Variants in SNX10 observed in about 807,000 individuals in gnomAD.
SNX10 encodes sorting nexin-10.
Under a neutral mutation model 28.5 loss-of-function variants are expected in SNX10, and 25 were observed. The ratio of observed to expected loss-of-function variants is 0.88; its 90% CI spans 0.64 to 1.22. The LOEUF is 1.22. SNX10 is among the 50% of genes most tolerant of loss of function. The probability of loss-of-function intolerance (pLI) is 0.00; values close to 1 mark genes in which losing one functional copy is unlikely to be tolerated. For synonymous variants in SNX10, 62 were observed against 81.4 expected, an observed-to-expected ratio of 0.76 and a Z score of 1.28; for missense variants, 223 against 242.6, an observed-to-expected ratio of 0.92 and a Z score of 0.54.
intron 1 of SNX10, among the ~76,000 whole-genome samples, chr7:26,301,852 C>T (rs1786380167): frequency 6.6e-6 from 1 of 151,992 alleles, no homozygotes; most frequent in South Asian, 2.1e-4. Flanking sequence ...TTTAAGAGTC[C>T]CACCATTGAG....
chr7:26,343,398 C>T (rs553441334), intron 1 of SNX10, among the ~76,000 whole-genome samples: 2 of 152,146 alleles, frequency 1.3e-5, no homozygotes, highest in African/African-American at 2.4e-5. Context: ...TCTGACCTTC[C>T]GCTTTCTTGT....
intron 1 of SNX10, among the ~76,000 whole-genome samples, chr7:26,331,760 C>CTCCCAG (rs111683120): frequency 1.3e-5 from 2 of 151,666 alleles, no homozygotes; most frequent in Admixed American, 6.6e-5. Context: ...CCAAGTTCTT[C>CTCCCAG]TCCCAGTCCC....
At position 26,354,620 on chromosome 7, in the gene SNX10, AT is replaced by A. The variant is rs1788743763; in HGVS notation, c.25-6354del. ...GGTCTTGAACTCCTGAGCTCAAGTG[AT>A]CCTCCCACCTTGGCCTCCCAAAGTG... On this transcript the variant is annotated intron_variant, in intron 2 of 6. Transcript: ENST00000338523. Among the ~76,000 whole-genome samples, 3 of 152,192 alleles carry A rather than the reference AT, an allele frequency of 2.0e-5. No individual in the cohort carries two copies. In the South Asian group the frequency reaches 6.2e-4, roughly 31 times the overall value.
rs1036863997 is a variant in SNX10, at chr7:26,348,008, G to A, written c.24+1542G>A. Among the ~76,000 whole-genome samples the A allele has an allele frequency of 1.2e-4, 19 of 152,262 alleles. No individual in the cohort carries two copies. The Middle Eastern group carries it at 0.01, about 82-fold the overall frequency. On this transcript the variant is annotated intron_variant, in intron 2 of 6. Coordinates refer to ENST00000338523, the MANE Select transcript of SNX10 (RefSeq NM_013322.3). Reference sequence around the variant, plus strand: ...TTGCCTAGATTGGTCTCGAACTTCTGGCTTCAAGCAGTCCTCCTGCCTCAG... The same window carrying A: ...TTGCCTAGATTGGTCTCGAACTTCTAGCTTCAAGCAGTCCTCCTGCCTCAG...
At chr7:26,333,821 C>T (rs780688460) in intron 1 of SNX10, among the ~76,000 whole-genome samples, 3 of 152,052 alleles carry the variant, frequency 2.0e-5, no homozygotes, top group East Asian at 1.9e-4. Flanking sequence ...GGTAAGGCAT[C>T]GAGGAATACA....
intron 4 of SNX10, 24 bp from the exon 5 acceptor site, chr7:26,365,023 A>T: frequency 6.8e-7 from 1 of 1,463,582 alleles, no homozygotes; most frequent in South Asian, 1.1e-5. Flanking sequence ...TCATTTAAAA[A>T]CATTGTTTTT....
At position 26,371,854 on chromosome 7, in the gene SNX10, C is replaced by A; in HGVS notation, c.345C>A (p.Ser115Arg). The A allele has an allele frequency of 6.2e-7, 1 of 1,613,322 alleles. No individual in the cohort carries two copies. The highest frequency in any genetic ancestry group is 8.5e-7 in the Non-Finnish European group (1 of 1,179,498). The change falls in exon 6 of 7, where the codon AGC (serine) becomes AGA (arginine). Residue 115 changes from serine to arginine, a missense_variant. Coordinates refer to ENST00000338523, the MANE Select transcript of SNX10 (RefSeq NM_013322.3). ...AGAATGCACTTTTGCTTTCAGATAGCAGCCTTCACCTCTTCTTACAGAGCC... is the reference window on the plus strand; with the variant it reads ...AGAATGCACTTTTGCTTTCAGATAGAAGCCTTCACCTCTTCTTACAGAGCC... ...VLQNALLLSD[S>R]SLHLFLQSHL... is the part of the protein sequence containing the mutation.
intron 1 of SNX10, among the ~76,000 whole-genome samples, chr7:26,317,025 G>A (rs184440093): frequency 6.6e-6 from 1 of 152,264 alleles, no homozygotes; most frequent in African/African-American, 2.4e-5. Context: ...TACCAAGATC[G>A]AGGCCGGAGA....
intron 1 of SNX10, among the ~76,000 whole-genome samples, chr7:26,343,792 C>T (rs1423029233): frequency 6.6e-6 from 1 of 152,168 alleles, no homozygotes; most frequent in East Asian, 1.9e-4. Flanking sequence ...TTGAGCCGCT[C>T]CTCCTCCTGG....
intron 1 of SNX10, among the ~76,000 whole-genome samples, chr7:26,327,587 C>A (rs140549561): frequency 5.9e-5 from 9 of 152,262 alleles, no homozygotes; most frequent in Non-Finnish European, 1.2e-4. Flanking sequence ...TTGCCTGATG[C>A]TTGTACCTGC....
chr7:26,304,044 G>A (rs1208621852), intron 1 of SNX10, among the ~76,000 whole-genome samples: 2 of 152,112 alleles, frequency 1.3e-5, no homozygotes, highest in African/African-American at 4.8e-5. Context: ...TACATAGTTT[G>A]GGGTCCTCTG....
In SNX10 at chr7:26,364,657, G is replaced by T. The variant is rs764392434; in HGVS notation, c.212+22G>T. 1 of 1,528,386 alleles carries T rather than the reference G, an allele frequency of 6.5e-7. No individual in the cohort carries two copies. The highest frequency in any genetic ancestry group is 1.1e-5 in the South Asian group (1 of 87,768). The allele number at this position is 1,528,386 out of a possible 1,614,324, so 94.7% of individuals were successfully genotyped here. Reference sequence around the variant, plus strand: ...TGGTGTAAGTGATTTAGAGTATACTGTGGAGACTTTGTCATTATATTCAGT... The same window carrying T: ...TGGTGTAAGTGATTTAGAGTATACTTTGGAGACTTTGTCATTATATTCAGT... On this transcript the variant is annotated intron_variant, in intron 4 of 6. Coordinates refer to ENST00000338523, the MANE Select transcript of SNX10 (RefSeq NM_013322.3). The surrounding 1 kb of genome is among the most constrained non-coding windows in gnomAD (Gnocchi z 4.9).
chr7:26,321,422 T>C (rs1194584135), intron 1 of SNX10, among the ~76,000 whole-genome samples: 3 of 152,230 alleles, frequency 2.0e-5, no homozygotes, highest in African/African-American at 7.2e-5. Context: ...GTTTTCCTTC[T>C]GGATATTTTG....
chr7:26,346,315 G>T, intron 1 of SNX10, 105 bp from the exon 2 acceptor site: 1 of 760,476 alleles, frequency 1.3e-6, no homozygotes, highest in Non-Finnish European at 2.4e-6. Context: ...GGGACTGTGG[G>T]GCGGGGGGGG....
At chr7:26,342,423 C>G (rs1007599421) in intron 1 of SNX10, among the ~76,000 whole-genome samples, 1 of 152,156 alleles carries the variant, frequency 6.6e-6, no homozygotes, top group Non-Finnish European at 1.5e-5. Flanking sequence ...ATTGAATTTC[C>G]TTCTCCCCAC....
chr7:26,365,566 G>T (rs1480564499), intron 5 of SNX10, among the ~76,000 whole-genome samples: 24 of 152,088 alleles, frequency 1.6e-4, no homozygotes, highest in Admixed American at 1.6e-3. Context: ...ATATCCTTCT[G>T]GGTTCCTCTA....
intron 1 of SNX10, among the ~76,000 whole-genome samples, chr7:26,298,335 A>G (rs1786190390): frequency 6.6e-6 from 1 of 152,244 alleles, no homozygotes; most frequent in South Asian, 2.1e-4. Flanking sequence ...GGCAAAGGCT[A>G]TTCATAGGTA....
intron 2 of SNX10, among the ~76,000 whole-genome samples, chr7:26,350,642 G>T (rs1788560358): frequency 6.6e-6 from 1 of 151,216 alleles, no homozygotes; most frequent in Admixed American, 6.6e-5. Flanking sequence ...TAAATTTGTT[G>T]TTCCTCTCTC....
Position 26,338,763 on chromosome 7 carries a change from T to C in SNX10, c.-23-7657T>C, listed in dbSNP as rs149896342. ...GAGCTTAGGAAGTAGGGAGTGCTGA[T>C]TGGTCAGGTTGGAGATGGAATCGTA... On this transcript the variant is annotated intron_variant, in intron 1 of 6. Coordinates refer to ENST00000338523, the MANE Select transcript of SNX10 (RefSeq NM_013322.3). 3.1e-3 allele frequency among the ~76,000 whole-genome samples: 476 copies of C among 152,060 alleles called. 1 individual carries two copies. The highest frequency in any genetic ancestry group is 0.011 in the African/African-American group (468 of 41,478).
Sources: gnomAD v4.1 joint callset for allele counts (sites outside exome capture counted in the v4.1 genomes callset) on GRCh38, gnomAD v4.1.1 for gene constraint, Gnocchi (gnomAD v3.1) non-coding constraint, MANE v1.5 for transcripts, NCBI Gene and HGNC (gene_info 2026-07-23, HGNC 2026-07-21) for gene names.